Variants in XIRP2 observed in about 807,000 individuals in gnomAD.
The protein encoded by XIRP2 is xin actin-binding repeat-containing protein 2.
A neutral mutation model predicts 277.0 loss-of-function variants in XIRP2; 236 were observed. That is an observed-to-expected ratio of 0.85 (90% CI 0.77 to 0.95). XIRP2 has a LOEUF of 0.95. XIRP2 is among the 40% of genes least tolerant of loss of function. XIRP2 has a pLI of 0.00. For missense variants in XIRP2, 4,640 were observed against 4,157.5 expected, an observed-to-expected ratio of 1.12 and a Z score of -3.19; for synonymous variants, 1,490 against 1,416.5, an observed-to-expected ratio of 1.05 and a Z score of -1.17.
intron 1 of XIRP2, among the ~76,000 whole-genome samples, chr2:166,898,685 T>C (rs74845299): frequency 0.012 from 1,845 of 152,150 alleles, 41 homozygotes; most frequent in African/African-American, 0.039. Context: ...CCTATGCAGA[T>C]TCCTGTAACC....
rs370823051 is a variant in XIRP2 at position 167,151,270 on chromosome 2, A to G, written c.562+15208A>G. Among the ~76,000 whole-genome samples the G allele has an allele frequency of 1.0e-3, 157 of 152,254 alleles. 3 individuals are homozygous for G. In the South Asian group the frequency reaches 0.019, roughly 19 times the overall value. ...TGATGTCGGAAGTTGTTAATGGCAT[A>G]CAGAAGGCTTTTATTAAGTATTAAT... On this transcript the variant is annotated intron_variant, in intron 3 of 10. Coordinates refer to ENST00000409195, the MANE Select transcript of XIRP2 (RefSeq NM_152381.6).
chr2:167,253,376 G>C (rs1282310254), intron 9 of XIRP2, among the ~76,000 whole-genome samples: 1 of 151,424 alleles, frequency 6.6e-6, no homozygotes, highest in African/African-American at 2.4e-5. Flanking sequence ...AATCCAAAAA[G>C]CTCCACAATC....
At chr2:167,215,453 T>A (rs183372054) in intron 4 of XIRP2, among the ~76,000 whole-genome samples, 1 of 152,164 alleles carries the variant, frequency 6.6e-6, no homozygotes, top group African/African-American at 2.4e-5. Context: ...ATTTAGATAA[T>A]CCTAATATTA....
At chr2:167,185,821 T>A (rs1693137645) in intron 3 of XIRP2, among the ~76,000 whole-genome samples, 1 of 152,140 alleles carries the variant, frequency 6.6e-6, no homozygotes, top group South Asian at 2.1e-4. Context: ...TAATAATTAA[T>A]TTATCTATAT....
In XIRP2 at chr2:167,143,097, G is replaced by A. The variant is rs180924681; in HGVS notation, c.562+7035G>A. ...ATGAATTCTTTTCGGTATCAGAGGC[G>A]AACACAGAATGGGAGCAGTAGTAAA... On this transcript the variant is annotated intron_variant, in intron 3 of 10. Transcript: ENST00000409195. Among the ~76,000 whole-genome samples, 304 of 152,252 alleles carry A rather than the reference G, an allele frequency of 2.0e-3. 1 individual carries two copies. The highest frequency in any genetic ancestry group is 0.017 in the Middle Eastern group (5 of 294).
chr2:166,941,467 G>A (rs572632337), intron 2 of XIRP2, among the ~76,000 whole-genome samples: 44 of 152,248 alleles, frequency 2.9e-4, no homozygotes, highest in Admixed American at 5.9e-4. Context: ...CCCACTGTCC[G>A]ACAAGCCCCA....
chr2:167,118,913 G>A (rs1018082941), intron 2 of XIRP2, among the ~76,000 whole-genome samples: 3 of 152,162 alleles, frequency 2.0e-5, no homozygotes, highest in Admixed American at 6.5e-5. Context: ...TTGCCAGAGA[G>A]ACAGGAGGAA....
At chr2:167,087,613 C>G (rs1308172693) in intron 2 of XIRP2, among the ~76,000 whole-genome samples, 3 of 152,186 alleles carry the variant, frequency 2.0e-5, no homozygotes, top group African/African-American at 7.2e-5. Flanking sequence ...GCGTAGGACC[C>G]TCCGAGCCAG....
intron 2 of XIRP2, among the ~76,000 whole-genome samples, chr2:167,087,865 C>T (rs1003450222): frequency 4.6e-5 from 7 of 152,284 alleles, no homozygotes; most frequent in East Asian, 1.9e-4. Context: ...GAGATGAACC[C>T]GGTACCTCAG....
intron 2 of XIRP2, among the ~76,000 whole-genome samples, chr2:167,075,099 C>T (rs535880145): frequency 4.9e-4 from 74 of 152,314 alleles, no homozygotes; most frequent in African/African-American, 1.7e-3. Context: ...TATGGATTTA[C>T]TCAACATAAA....
chr2:167,218,258 C>T lies in XIRP2; in HGVS notation c.816C>T (p.Thr272=). The T allele has an allele frequency of 6.2e-7, 1 of 1,606,008 alleles. No individual in the cohort carries two copies. The highest frequency in any genetic ancestry group is 8.5e-7 in the Non-Finnish European group (1 of 1,176,266). ...FEDEITSSRN[T]FAQYQYQHQN... ...ACGAAATTACTTCTTCCCGTAATAC[C>T]TTTGCTCAATACCAATATCAACATC... is the stretch of plus-strand genomic sequence containing the variant. The change falls in exon 5 of 11, where the codon ACC becomes ACT. Residue 272 remains threonine, a synonymous_variant. Transcript: ENST00000409195.
intron 2 of XIRP2, among the ~76,000 whole-genome samples, chr2:166,928,099 G>A (rs1475978284): frequency 6.6e-6 from 1 of 152,112 alleles, no homozygotes; most frequent in African/African-American, 2.4e-5. Context: ...TCATTTTACA[G>A]AGAAGATAAT....
intron 2 of XIRP2, among the ~76,000 whole-genome samples, chr2:166,909,013 AC>A (rs1461594798): frequency 1.3e-5 from 2 of 152,200 alleles, no homozygotes; most frequent in African/African-American, 4.8e-5. Context: ...TGTTTTGGTT[AC>A]TATAGTCTTG....
rs773337879 is a variant in XIRP2, at chr2:167,243,809, G to T, written c.2417G>T (p.Ser806Ile). The change falls in exon 9 of 11, where the codon AGT (serine) becomes ATT (isoleucine). Residue 806 changes from serine to isoleucine, a missense_variant. Physicochemically the swap from Ser to Ile is moderately radical, Grantham distance 142 (BLOSUM62 -2). Coordinates refer to ENST00000409195, the MANE Select transcript of XIRP2 (RefSeq NM_152381.6). ...SMEENVKGGV[S>I]KAKWLFETQP... ...GAAGAAAATGTCAAAGGTGGGGTGA[G>T]TAAGGCAAAGTGGTTATTTGAAACC... is the stretch of plus-strand genomic sequence containing the variant. 13 of 1,613,996 alleles carry T rather than the reference G, an allele frequency of 8.1e-6. No individual in the cohort carries two copies. Among genetic ancestry groups the T allele is most frequent in the Non-Finnish European group, 1.1e-5 (13 of 1,179,952 alleles).
At chr2:167,015,132 T>C (rs897358867) in intron 2 of XIRP2, among the ~76,000 whole-genome samples, 4 of 151,894 alleles carry the variant, frequency 2.6e-5, no homozygotes, top group African/African-American at 9.7e-5. Flanking sequence ...ACAGCCCACC[T>C]GGCATCACCA....
At chr2:167,105,219 A>C (rs1690586418) in intron 2 of XIRP2, among the ~76,000 whole-genome samples, 1 of 151,982 alleles carries the variant, frequency 6.6e-6, no homozygotes, top group African/African-American at 2.4e-5. Flanking sequence ...ACAATGTTAC[A>C]ACCCCAGTAT....
intron 2 of XIRP2, among the ~76,000 whole-genome samples, chr2:166,922,099 C>G (rs1360806551): frequency 2.6e-5 from 4 of 152,128 alleles, no homozygotes; most frequent in Non-Finnish European, 5.9e-5. Flanking sequence ...CAAGCTATGT[C>G]TGTTAGCCTT....
intron 1 of XIRP2, among the ~76,000 whole-genome samples, chr2:166,898,010 G>A (rs553489052): frequency 1.3e-5 from 2 of 152,204 alleles, no homozygotes; most frequent in Non-Finnish European, 2.9e-5. Context: ...CAGACCACAG[G>A]CAGCTGTATG....
intron 3 of XIRP2, among the ~76,000 whole-genome samples, chr2:167,171,198 C>A (rs1692680541): frequency 6.6e-6 from 1 of 152,122 alleles, no homozygotes; most frequent in South Asian, 2.1e-4. Context: ...CTGCACCCGC[C>A]CTCTTTATTT....
Sources: gnomAD v4.1 joint callset for allele counts (sites outside exome capture counted in the v4.1 genomes callset) on GRCh38, gnomAD v4.1.1 for gene constraint, MANE v1.5 for transcripts, NCBI Gene and HGNC (gene_info 2026-07-23, HGNC 2026-07-21) for gene names.